The following RYR3 variants were observed in gnomAD, a reference collection of about 807,000 sequenced individuals.
The protein encoded by RYR3 is brain ryanodine receptor-calcium release channel.
In RYR3, 207 loss-of-function variants were observed where a neutral mutation model predicts 584.3. That is an observed-to-expected ratio of 0.35 (90% CI 0.32 to 0.40). The LOEUF (loss-of-function observed/expected upper bound fraction) is 0.40. Ranked by LOEUF, RYR3 falls within the 10% of genes least tolerant of loss-of-function variation. The pLI is 1.00. For missense variants in RYR3, 5,616 were observed against 6,089.2 expected (o/e 0.92, Z 2.59); for synonymous variants, 2,416 against 2,248.5 (o/e 1.07, Z -2.11).
chr15:33,601,117 C>T (rs2059638708), intron 16 of RYR3, among the ~76,000 whole-genome samples: 1 of 152,178 alleles, frequency 6.6e-6, no homozygotes, highest in South Asian at 2.1e-4. Flanking sequence ...AGAGCACAGC[C>T]TCTTACTTAC....
chr15:33,643,543 C>T (rs1310060634), intron 27 of RYR3, among the ~76,000 whole-genome samples: 1 of 151,994 alleles, frequency 6.6e-6, no homozygotes, highest in African/African-American at 2.4e-5. Context: ...ACTCTGCCTT[C>T]CTGAGTAGGC....
chr15:33,543,736 T>G, intron 8 of RYR3, 21 bp downstream of exon 8: 1 of 1,425,188 alleles, frequency 7.0e-7, no homozygotes, highest in Non-Finnish European at 9.9e-7. Context: ...AGCTGCATTC[T>G]TCCACTAGCT....
chr15:33,805,887 C>A (rs953942854), intron 69 of RYR3, among the ~76,000 whole-genome samples: 10 of 151,976 alleles, frequency 6.6e-5, no homozygotes, highest in African/African-American at 2.4e-4. Context: ...AACGCACACT[C>A]ATCCTCTTCT....
chr15:33,844,761 C>T (rs1320846946), intron 92 of RYR3, 101 bp from the exon 93 acceptor site: 7 of 1,029,392 alleles, frequency 6.8e-6, no homozygotes, highest in Admixed American at 5.2e-5. Context: ...TGAGTCACTA[C>T]TATTTGTATA....
intron 1 of RYR3, among the ~76,000 whole-genome samples, chr15:33,415,246 C>T (rs1469842069): frequency 6.6e-6 from 1 of 152,134 alleles, no homozygotes; most frequent in Non-Finnish European, 1.5e-5. Flanking sequence ...GTCCTTTTTA[C>T]TTTTTATTAA....
intron 70 of RYR3, among the ~76,000 whole-genome samples, chr15:33,807,978 T>C (rs2076293092): frequency 6.6e-6 from 1 of 152,226 alleles, no homozygotes; most frequent in African/African-American, 2.4e-5. Context: ...GTAGGTGTCC[T>C]GCATCCTGTA....
At chr15:33,514,898 G>A (rs2053371676) in intron 3 of RYR3, among the ~76,000 whole-genome samples, 1 of 152,104 alleles carries the variant, frequency 6.6e-6, no homozygotes, top group African/African-American at 2.4e-5. Flanking sequence ...CAGCTACTTG[G>A]GAGGCTGAGG....
intron 20 of RYR3, among the ~76,000 whole-genome samples, chr15:33,624,878 GCCTA>G (rs2060905354): frequency 6.6e-6 from 1 of 152,110 alleles, no homozygotes; most frequent in African/African-American, 2.4e-5. Flanking sequence ...AGCTCTTTTA[GCCTA>G]GAGACTTTCT....
Position 33,726,366 on chromosome 15 carries a change from T to C in RYR3, c.6913-20T>C. ...TGGGAACCTCACTTATCTAATGTCA[T>C]TCTCAACCCTATCTTCCAGCTCATC... On this transcript the variant is annotated intron_variant, in intron 45 of 103. Transcript: ENST00000634891. 1 of 1,612,674 alleles carries C rather than the reference T, an allele frequency of 6.2e-7. No individual in the cohort carries two copies. Among genetic ancestry groups the C allele is most frequent in the Non-Finnish European group, 8.5e-7 (1 of 1,179,412 alleles).
chr15:33,731,251 T>G (rs1310356113), intron 47 of RYR3, among the ~76,000 whole-genome samples: 2 of 134,718 alleles, frequency 1.5e-5, no homozygotes, highest in East Asian at 5.2e-4. Context: ...TATGATTTTT[T>G]TGTGTGTTTT....
intron 1 of RYR3, among the ~76,000 whole-genome samples, chr15:33,432,648 C>G (rs1283539498): frequency 1.5e-5 from 2 of 129,576 alleles, no homozygotes; most frequent in African/African-American, 7.0e-5. Context: ...TTACAGGTGC[C>G]CACGACCACG....
At chr15:33,817,055 TCGTGTGTATACAG>T in intron 75 of RYR3, 97 bp downstream of exon 75, 1 of 748,362 alleles carries the variant, frequency 1.3e-6, no homozygotes, top group Non-Finnish European at 2.3e-6. Context: ...TCACAAGGAA[TCGTGTGTATACAG>T]TTGAAAAGCA....
chr15:33,499,047 A>T lies in RYR3; in HGVS notation c.172-4584A>T, dbSNP rs566326000. Among the ~76,000 whole-genome samples the T allele has an allele frequency of 2.6e-5, 4 of 152,070 alleles. No homozygotes were observed. The East Asian group carries it at 7.7e-4, about 29-fold the overall frequency. On this transcript the variant is annotated intron_variant, in intron 2 of 103. Coordinates refer to ENST00000634891, the MANE Select transcript of RYR3 (RefSeq NM_001036.6). ...ATTTGATTATATCATTTCCTACATAACTTGCTCTAATGGCACCCTATTCTC... is the reference window on the plus strand; with the variant it reads ...ATTTGATTATATCATTTCCTACATATCTTGCTCTAATGGCACCCTATTCTC...
At chr15:33,498,738 A>G (rs960253431) in intron 2 of RYR3, among the ~76,000 whole-genome samples, 3 of 152,068 alleles carry the variant, frequency 2.0e-5, no homozygotes, top group Non-Finnish European at 4.4e-5. Context: ...TTTCTTATTC[A>G]TAAAATATTT....
At chr15:33,853,201 C>G (rs2079285515) in intron 95 of RYR3, 114 bp downstream of exon 95, 3 of 1,030,060 alleles carry the variant, frequency 2.9e-6, no homozygotes, top group Non-Finnish European at 4.2e-6. Context: ...ATGATAATAT[C>G]TCAAGAAGAG....
rs147585632 is a variant in RYR3 at position 33,610,415 on chromosome 15, C to T, written c.2165-2768C>T. On this transcript the variant is annotated intron_variant, in intron 18 of 103. Coordinates refer to ENST00000634891, the MANE Select transcript of RYR3 (RefSeq NM_001036.6). ...ATTTAAATGTCCATTTCCCAGCAGACTATGGGCTTCTTAAGAGCACGAGTT... is the reference window on the plus strand; with the variant it reads ...ATTTAAATGTCCATTTCCCAGCAGATTATGGGCTTCTTAAGAGCACGAGTT... Among the ~76,000 whole-genome samples, 11 of 152,288 alleles carry T rather than the reference C, an allele frequency of 7.2e-5. No homozygotes were observed. In the East Asian group the frequency reaches 1.7e-3, roughly 24 times the overall value.
intron 18 of RYR3, among the ~76,000 whole-genome samples, chr15:33,603,859 G>C (rs971529008): frequency 6.6e-6 from 1 of 152,214 alleles, no homozygotes; most frequent in South Asian, 2.1e-4. Flanking sequence ...ACAGCCTGTT[G>C]CTTCATAATA....
intron 2 of RYR3, among the ~76,000 whole-genome samples, chr15:33,487,695 C>T (rs1331277577): frequency 6.6e-6 from 1 of 152,174 alleles, no homozygotes; most frequent in African/African-American, 2.4e-5. Context: ...GCCGTTGTTC[C>T]TGTTGTGCCA....
At chr15:33,586,470 A>T (rs748127237) in intron 16 of RYR3, among the ~76,000 whole-genome samples, 8 of 152,174 alleles carry the variant, frequency 5.3e-5, no homozygotes, top group Non-Finnish European at 8.8e-5. Flanking sequence ...ACAGCTTATA[A>T]CAAGCTGTAT....
Sources: allele counts gnomAD v4.1 joint callset (sites outside exome capture counted in the v4.1 genomes callset), GRCh38; gene constraint gnomAD v4.1.1; transcripts MANE v1.5; gene names NCBI Gene and HGNC (gene_info 2026-07-23, HGNC 2026-07-21).